Variants in JPH3 observed in about 807,000 individuals in gnomAD.
The protein encoded by JPH3 is junctophilin 3, also known as junctophilin-3.
Under a neutral mutation model 59.6 loss-of-function variants are expected in JPH3, and 11 were observed. The ratio of observed to expected loss-of-function variants is 0.18; its 90% confidence interval spans 0.12 to 0.31. The LOEUF (loss-of-function observed/expected upper bound fraction) is 0.31. Among genes scored for constraint, JPH3 ranks in the 10% least tolerant of loss-of-function variants. JPH3 has a pLI of 1.00. For synonymous variants in JPH3, 673 were observed against 483.6 expected, an observed-to-expected ratio of 1.39 and a Z score of -5.14; for missense variants, 1,202 against 1,105.7, an observed-to-expected ratio of 1.09 and a Z score of -1.24.
At chr16:87,604,054 A>T in intron 1 of JPH3, 1 of 984,442 alleles carries the variant, frequency 1.0e-6, no homozygotes, top group Non-Finnish European at 1.2e-6. Context: ...GGGGATGCCA[A>T]CCCGAACCAA....
intron 2 of JPH3, among the ~76,000 whole-genome samples, chr16:87,669,801 C>T (rs1310325744): frequency 5.3e-5 from 8 of 152,116 alleles, no homozygotes; most frequent in South Asian, 2.1e-4. Context: ...GACGTGAGTG[C>T]GGCCTGCAGG....
intron 2 of JPH3, among the ~76,000 whole-genome samples, chr16:87,681,999 A>G (rs1422912978): frequency 3.9e-5 from 6 of 152,116 alleles, no homozygotes; most frequent in African/African-American, 1.2e-4. Context: ...GCGGGGGGTC[A>G]TGCAGAAAAC....
chr16:87,696,502 G>A (rs878929423), intron 4 of JPH3, 78 bp from the exon 5 acceptor site: 5 of 1,199,220 alleles, frequency 4.2e-6, no homozygotes, highest in Non-Finnish European at 6.2e-6. Flanking sequence ...TTGGTGAAAA[G>A]ACGTGGGTGG....
At chr16:87,608,759 C>T (rs1332461556) in intron 1 of JPH3, among the ~76,000 whole-genome samples, 1 of 152,156 alleles carries the variant, frequency 6.6e-6, no homozygotes, top group Non-Finnish European at 1.5e-5. Flanking sequence ...ATGCCTGTGC[C>T]AGATGTGGGG....
At chr16:87,660,782 G>T (rs1471916145) in intron 2 of JPH3, among the ~76,000 whole-genome samples, 1 of 152,160 alleles carries the variant, frequency 6.6e-6, no homozygotes, top group African/African-American at 2.4e-5. Flanking sequence ...CTCCTCTTGG[G>T]CCATCCATAT....
chr16:87,660,592 G>C (rs1484948741), intron 2 of JPH3, among the ~76,000 whole-genome samples: 1 of 152,174 alleles, frequency 6.6e-6, no homozygotes. Flanking sequence ...TGTAGTCACT[G>C]CAGCCCTCCC....
intron 1 of JPH3, among the ~76,000 whole-genome samples, chr16:87,641,538 G>T (rs865913334): frequency 6.6e-6 from 1 of 152,176 alleles, no homozygotes. Flanking sequence ...ATTCGGCCCC[G>T]TCCTCTGCTG....
chr16:87,644,224 C>A, intron 1 of JPH3, 34 bp from the exon 2 acceptor site: 2 of 1,570,412 alleles, frequency 1.3e-6, no homozygotes, highest in Non-Finnish European at 1.7e-6. Flanking sequence ...TCCTCTGTCG[C>A]TGGGCACTCA....
intron 1 of JPH3, among the ~76,000 whole-genome samples, chr16:87,628,604 C>T (rs984532606): frequency 6.6e-6 from 1 of 152,224 alleles, no homozygotes; most frequent in Admixed American, 6.5e-5. Flanking sequence ...GGGCAAGTGG[C>T]TTAACCTCAT....
intron 1 of JPH3, among the ~76,000 whole-genome samples, chr16:87,635,230 T>C (rs2031697953): frequency 6.6e-6 from 1 of 152,194 alleles, no homozygotes; most frequent in East Asian, 1.9e-4. Context: ...AGGTGCTCTT[T>C]GGAGGTGTTG....
chr16:87,641,127 C>T (rs1466313994), intron 1 of JPH3, among the ~76,000 whole-genome samples: 1 of 152,212 alleles, frequency 6.6e-6, no homozygotes, highest in Admixed American at 6.5e-5. Context: ...ACAACTGCCC[C>T]CAGTGCTGGG....
At chr16:87,659,063 C>G (rs1049055852) in intron 2 of JPH3, among the ~76,000 whole-genome samples, 1 of 152,188 alleles carries the variant, frequency 6.6e-6, no homozygotes, top group Admixed American at 6.5e-5. Flanking sequence ...CTGCCCCATG[C>G]CTGGCTTTGT....
chr16:87,610,378 T>C (rs1485243693), intron 1 of JPH3, among the ~76,000 whole-genome samples: 1 of 152,180 alleles, frequency 6.6e-6, no homozygotes, highest in African/African-American at 2.4e-5. Flanking sequence ...GAAAGCTTTA[T>C]TGGGCAGGCA....
At chr16:87,652,533 G>T (rs1057438083) in intron 2 of JPH3, among the ~76,000 whole-genome samples, 1 of 152,238 alleles carries the variant, frequency 6.6e-6, no homozygotes, top group Non-Finnish European at 1.5e-5. Context: ...GTGCCATCAC[G>T]ACTCACTGCA....
At chr16:87,637,365 C>G (rs1055120493) in intron 1 of JPH3, among the ~76,000 whole-genome samples, 3 of 151,940 alleles carry the variant, frequency 2.0e-5, no homozygotes, top group Non-Finnish European at 2.9e-5. Context: ...CCGTCTGTCT[C>G]TGGATTTACC....
chr16:87,647,412 G>T (rs972581205), intron 2 of JPH3, among the ~76,000 whole-genome samples: 1 of 152,072 alleles, frequency 6.6e-6, no homozygotes, highest in Non-Finnish European at 1.5e-5. Flanking sequence ...GAGTGAGAGG[G>T]AAAGGATGGG....
At chr16:87,684,091 C>G (rs761160343) in intron 2 of JPH3, 51 bp from the exon 3 acceptor site, 6 of 1,440,886 alleles carry the variant, frequency 4.2e-6, no homozygotes, top group Non-Finnish European at 5.9e-6. Flanking sequence ...ACCCAGACCC[C>G]TGTCACCTGT....
At chr16:87,678,365 CCT>C (rs1284805174) in intron 2 of JPH3, among the ~76,000 whole-genome samples, 3 of 152,042 alleles carry the variant, frequency 2.0e-5, no homozygotes, top group Non-Finnish European at 4.4e-5. Context: ...ATGACAAAAC[CCT>C]GTCTCTACTA....
At chr16:87,678,697 T>A (rs2033211795) in intron 2 of JPH3, among the ~76,000 whole-genome samples, 1 of 152,152 alleles carries the variant, frequency 6.6e-6, no homozygotes, top group African/African-American at 2.4e-5. Context: ...TGGAATTAGT[T>A]AAGGATCTGC....
Sources: allele counts gnomAD v4.1 joint callset (sites outside exome capture counted in the v4.1 genomes callset), GRCh38; gene constraint gnomAD v4.1.1; transcripts MANE v1.5; gene names NCBI Gene and HGNC (gene_info 2026-07-23, HGNC 2026-07-21).